Variants in MITF observed in about 807,000 individuals in gnomAD.
The protein encoded by MITF is microphthalmia-associated transcription factor.
In MITF, 17 loss-of-function variants were observed where a neutral mutation model predicts 60.5. That is an observed-to-expected ratio of 0.28 (90% confidence interval 0.19 to 0.42). The LOEUF (loss-of-function observed/expected upper bound fraction) is 0.42, where lower values mean the gene tolerates loss of function less well. Among genes scored for constraint, MITF ranks in the 10% least tolerant of loss-of-function variants. The pLI, the probability that MITF is intolerant of heterozygous loss-of-function variation, is 1.00. For synonymous variants in MITF, 260 were observed against 248.5 expected (o/e 1.05, Z -0.43); for missense variants, 622 against 683.5 (o/e 0.91, Z 1.00).
chr3:69,943,971 A>C (rs990626146), intron 5 of MITF, among the ~76,000 whole-genome samples: 1 of 152,012 alleles, frequency 6.6e-6, no homozygotes, highest in South Asian at 2.1e-4. Context: ...GTACATACCT[A>C]TAGTCCTAGC....
At chr3:69,961,564 G>A (rs9809071) in intron 9 of MITF, among the ~76,000 whole-genome samples, 6,466 of 137,800 alleles carry the variant, frequency 0.047, 325 homozygotes, top group African/African-American at 0.13. Context: ...AAAAAAAAAA[G>A]AAAAGAAAAG....
intron 5 of MITF, among the ~76,000 whole-genome samples, chr3:69,942,417 G>T (rs1305830839): frequency 6.6e-6 from 1 of 151,858 alleles, no homozygotes; most frequent in Admixed American, 6.6e-5. Context: ...ACTTACTTAG[G>T]TACACCAGAA....
In MITF at chr3:69,950,627, GTATATA is replaced by G. The variant is rs143648888; in HGVS notation, c.881-1169_881-1164del. On this transcript the variant is annotated intron_variant, in intron 6 of 9. Coordinates refer to ENST00000352241, the MANE Select transcript of MITF (RefSeq NM_001354604.2). ...CCCATATAATAAATATATATGGTGT[GTATATA>G]TATATATATATATATGCTTCAGTGG... Among the ~76,000 whole-genome samples, 116 of 138,056 alleles carry G rather than the reference GTATATA, an allele frequency of 8.4e-4. 1 individual carries two copies. In the Middle Eastern group the frequency reaches 0.012, roughly 14 times the overall value. The allele number at this position is 138,056 out of a possible 152,430, so 90.6% of individuals were successfully genotyped here.
chr3:69,889,270 C>T (rs917508513), intron 2 of MITF, among the ~76,000 whole-genome samples: 10 of 151,610 alleles, frequency 6.6e-5, no homozygotes, highest in South Asian at 2.1e-4. Context: ...TGAAAATCTA[C>T]GATTAGGCTG....
intron 2 of MITF, among the ~76,000 whole-genome samples, chr3:69,887,415 G>A (rs1291263724): frequency 1.3e-5 from 2 of 151,984 alleles, no homozygotes; most frequent in East Asian, 1.9e-4. Flanking sequence ...GGTTATAACT[G>A]CAATCAGTAC....
At chr3:69,918,250 G>C (rs930374576) in intron 2 of MITF, among the ~76,000 whole-genome samples, 8 of 152,030 alleles carry the variant, frequency 5.3e-5, no homozygotes, top group African/African-American at 1.9e-4. Context: ...TTTTCGCCAT[G>C]TTGGCCAGGC....
At chr3:69,804,693 A>G (rs999796087) in intron 1 of MITF, among the ~76,000 whole-genome samples, 6 of 152,146 alleles carry the variant, frequency 3.9e-5, no homozygotes, top group Non-Finnish European at 7.4e-5. Flanking sequence ...TATCATTTCA[A>G]TTTCTTTTTG....
At chr3:69,740,076 A>G (rs1321655548) in intron 1 of MITF, among the ~76,000 whole-genome samples, 1 of 152,086 alleles carries the variant, frequency 6.6e-6, no homozygotes, top group East Asian at 1.9e-4. Context: ...GGGGAGAAAG[A>G]GTTCTAGTGA....
chr3:69,778,573 A>G (rs1014443305), intron 1 of MITF, among the ~76,000 whole-genome samples: 2 of 152,168 alleles, frequency 1.3e-5, no homozygotes, highest in African/African-American at 4.8e-5. Flanking sequence ...CATGGTTGCA[A>G]GATGGCTGCC....
intron 1 of MITF, among the ~76,000 whole-genome samples, chr3:69,747,852 T>C (rs1340402265): frequency 6.6e-6 from 1 of 152,216 alleles, no homozygotes; most frequent in East Asian, 1.9e-4. Context: ...TGTCTGACCA[T>C]AGTTTTTGGG....
At chr3:69,874,222 G>A (rs1229789442) in intron 1 of MITF, among the ~76,000 whole-genome samples, 1 of 152,148 alleles carries the variant, frequency 6.6e-6, no homozygotes, top group Non-Finnish European at 1.5e-5. Context: ...CTACTTTATA[G>A]CTCATGAGAG....
At chr3:69,883,953 G>A (rs929014983) in intron 2 of MITF, among the ~76,000 whole-genome samples, 2 of 152,202 alleles carry the variant, frequency 1.3e-5, no homozygotes, top group African/African-American at 4.8e-5. Flanking sequence ...CAATGTTGGT[G>A]TCTGCAAGGC....
intron 1 of MITF, among the ~76,000 whole-genome samples, chr3:69,820,714 G>T (rs2063255748): frequency 6.6e-6 from 1 of 152,144 alleles, no homozygotes; most frequent in Non-Finnish European, 1.5e-5. Flanking sequence ...AGGCCTTGCA[G>T]TCTGTTGTAA....
chr3:69,869,740 A>G (rs1236361842), intron 1 of MITF, among the ~76,000 whole-genome samples: 1 of 152,152 alleles, frequency 6.6e-6, no homozygotes, highest in Admixed American at 6.5e-5. Flanking sequence ...TAAACTGCCC[A>G]TGGCTTTTTG....
chr3:69,937,141 G>C (rs1028825509), intron 2 of MITF: 1 of 181,928 alleles, frequency 5.5e-6, no homozygotes, highest in African/African-American at 2.4e-5. Flanking sequence ...CTGTTGGCTT[G>C]TTAATAGTCA....
intron 1 of MITF, among the ~76,000 whole-genome samples, chr3:69,855,869 T>C (rs1409981116): frequency 2.0e-5 from 3 of 152,170 alleles, no homozygotes; most frequent in Non-Finnish European, 4.4e-5. Flanking sequence ...ATTTTTTTTG[T>C]TTTGTTTTGT....
At chr3:69,774,629 A>G (rs993096159) in intron 1 of MITF, among the ~76,000 whole-genome samples, 1 of 152,152 alleles carries the variant, frequency 6.6e-6, no homozygotes, top group Non-Finnish European at 1.5e-5. Context: ...CTAAGTTTCC[A>G]GGTCAAAGAT....
chr3:69,816,457 A>T (rs1388628015), intron 1 of MITF, among the ~76,000 whole-genome samples: 1 of 152,144 alleles, frequency 6.6e-6, no homozygotes, highest in African/African-American at 2.4e-5. Context: ...TTAATAACTG[A>T]AAACTCTTGT....
intron 1 of MITF, among the ~76,000 whole-genome samples, chr3:69,748,415 A>G (rs1045580088): frequency 1.3e-5 from 2 of 151,960 alleles, no homozygotes; most frequent in Admixed American, 6.6e-5. Flanking sequence ...AATTTTTTGT[A>G]TTTTTAGTAG....
Sources: gnomAD v4.1 joint callset for allele counts (sites outside exome capture counted in the v4.1 genomes callset) on GRCh38, gnomAD v4.1.1 for gene constraint, MANE v1.5 for transcripts, NCBI Gene and HGNC (gene_info 2026-07-23, HGNC 2026-07-21) for gene names.